The following LPCAT2 variants were observed in gnomAD, a reference collection of about 807,000 sequenced individuals.
LPCAT2 encodes the protein lysophosphatidylcholine acyltransferase 2.
Under a neutral mutation model 64.7 loss-of-function variants are expected in LPCAT2, and 58 were observed. The observed-to-expected ratio is 0.90, with a 90% CI of 0.73 to 1.12. The LOEUF is 1.12. Among genes scored for constraint, LPCAT2 ranks in the 50% most tolerant of loss-of-function variants. The pLI is 0.00. For missense variants in LPCAT2, 579 were observed against 669.8 expected (o/e 0.86, Z 1.50); for synonymous variants, 252 against 245.3 (o/e 1.03, Z -0.26).
Position 55,509,339 on chromosome 16 carries a change from C to G in LPCAT2, c.158C>G (p.Ala53Gly). 7.0e-7 allele frequency: 1 copy of G among 1,424,258 alleles called. No individual in the cohort carries two copies. The highest frequency in any genetic ancestry group is 1.6e-5 in the South Asian group (1 of 63,588). The allele number at this position is 1,424,258 out of a possible 1,614,324, so 88.2% of individuals were successfully genotyped here. ...GTGCAGCAGACGCAGATCGGCTCCGCGAGGCGGGTCCAGGTGAGGGGCGTG... is the reference window on the plus strand; with the variant it reads ...GTGCAGCAGACGCAGATCGGCTCCGGGAGGCGGGTCCAGGTGAGGGGCGTG... The part of the protein sequence containing the change: ...PFVQQTQIGS[A>G]RRVQIVLLGI... Residue 53 changes from alanine (A) to glycine (G), a missense_variant, in exon 1 of 14, where the codon GCG becomes GGG. Coordinates refer to ENST00000262134, the MANE Select transcript of LPCAT2 (RefSeq NM_017839.5).
At chr16:55,567,417 C>A in intron 11 of LPCAT2, 1 of 1,613,842 alleles carries the variant, frequency 6.2e-7, no homozygotes, top group South Asian at 1.1e-5. Context: ...TGCCATGTTT[C>A]GTGCCTTCAA....
chr16:55,543,527 T>C (rs140979185), intron 8 of LPCAT2, among the ~76,000 whole-genome samples: 41 of 152,336 alleles, frequency 2.7e-4, no homozygotes, highest in African/African-American at 9.9e-4. Context: ...TGAACATTAA[T>C]TTCAACTTAC....
intron 11 of LPCAT2, among the ~76,000 whole-genome samples, chr16:55,573,273 T>C (rs576465374): frequency 6.6e-6 from 1 of 152,322 alleles, no homozygotes; most frequent in Admixed American, 6.5e-5. Flanking sequence ...AGCCCTTCCT[T>C]CCCCAAATTC....
intron 11 of LPCAT2, among the ~76,000 whole-genome samples, chr16:55,562,202 T>C (rs1963644274): frequency 1.3e-5 from 2 of 151,928 alleles, no homozygotes; most frequent in African/African-American, 2.4e-5. Context: ...CTCATCTCAT[T>C]GTACTATTCA....
chr16:55,510,449 G>T (rs1273799879), intron 1 of LPCAT2, among the ~76,000 whole-genome samples: 1 of 149,222 alleles, frequency 6.7e-6, no homozygotes, highest in Non-Finnish European at 1.5e-5. Context: ...GTTCTGCGGG[G>T]GTTGGGGGGG....
At chr16:55,534,541 C>A in intron 7 of LPCAT2, 64 bp downstream of exon 7, 4 of 740,078 alleles carry the variant, frequency 5.4e-6, no homozygotes, top group South Asian at 4.1e-5. Context: ...AAAGAAAGAT[C>A]ATTTATTCAT....
intron 11 of LPCAT2, chr16:55,566,633 G>A (rs903978134): frequency 2.0e-4 from 192 of 972,348 alleles, no homozygotes; most frequent in South Asian, 2.6e-4. Flanking sequence ...ATCATGGGGC[G>A]TGGTGCAGTG....
At chr16:55,567,604 C>G in intron 11 of LPCAT2, 1 of 1,186,040 alleles carries the variant, frequency 8.4e-7, no homozygotes, top group East Asian at 2.4e-5. Context: ...CTCTCATTTC[C>G]TGGCAAGCTC....
chr16:55,528,256 A>AG, intron 2 of LPCAT2, 121 bp from the exon 3 acceptor site: 9 of 708,316 alleles, frequency 1.3e-5, no homozygotes, highest in Middle Eastern at 4.0e-4. Context: ...TATTCTCCTC[A>AG]GCTCATATTT....
chr16:55,549,967 C>G (rs1963497440), intron 10 of LPCAT2, among the ~76,000 whole-genome samples: 1 of 152,174 alleles, frequency 6.6e-6, no homozygotes, highest in Non-Finnish European at 1.5e-5. Flanking sequence ...CTCAACCTCC[C>G]TCTACCCTTA....
intron 1 of LPCAT2, among the ~76,000 whole-genome samples, chr16:55,520,814 A>G (rs1353845950): frequency 6.6e-6 from 1 of 151,930 alleles, no homozygotes; most frequent in Non-Finnish European, 1.5e-5. Context: ...CTAAATGTAA[A>G]CAAAATGCAA....
chr16:55,510,789 A>G (rs1962921123), intron 1 of LPCAT2, among the ~76,000 whole-genome samples: 2 of 152,250 alleles, frequency 1.3e-5, no homozygotes, highest in Admixed American at 1.3e-4. Context: ...GTAAATACAT[A>G]GACCATTGTT....
In LPCAT2 at chr16:55,509,089, G is replaced by C. The variant is rs1219847672; in HGVS notation, c.-93G>C. The C allele has an allele frequency of 9.0e-7, 1 of 1,112,692 alleles. No individual in the cohort carries two copies. Among genetic ancestry groups the C allele is most frequent in the Non-Finnish European group, 1.2e-6 (1 of 866,466 alleles). The allele number at this position is 1,112,692 out of a possible 1,614,324, so 68.9% of individuals were successfully genotyped here. A position where few individuals can be genotyped will look rare whatever the true frequency, so the allele number is the denominator to read the frequency against. The stretch of plus-strand genomic sequence containing the variant: ...GCCTGCGCAGAGGCTCCCCAGCGTC[G>C]CCCTAGGCTGGGACTCTAGTAGGTC... On this transcript the variant is annotated 5_prime_UTR_variant, in exon 1 of 14. Coordinates refer to ENST00000262134, the MANE Select transcript of LPCAT2 (RefSeq NM_017839.5).
In LPCAT2 at chr16:55,579,251, A is replaced by G; in HGVS notation, c.1450+7A>G. ...GGGGACTCAATTTCCTATGGTGAGT[A>G]GGCAATCTGGCCTCCTGACTTAGTT... is the stretch of plus-strand genomic sequence containing the variant. On this transcript the variant is annotated splice_region_variant and intron_variant, in intron 13 of 13. Coordinates refer to ENST00000262134, the MANE Select transcript of LPCAT2 (RefSeq NM_017839.5). 6.2e-7 allele frequency: 1 copy of G among 1,611,340 alleles called. No homozygotes were observed. Among genetic ancestry groups the G allele is most frequent in the Non-Finnish European group, 8.5e-7 (1 of 1,178,736 alleles).
intron 1 of LPCAT2, among the ~76,000 whole-genome samples, chr16:55,519,212 G>T (rs1394759534): frequency 1.3e-5 from 2 of 152,018 alleles, no homozygotes; most frequent in African/African-American, 4.8e-5. Flanking sequence ...TCAAGAAATG[G>T]TAAAGAGGCC....
intron 11 of LPCAT2, among the ~76,000 whole-genome samples, chr16:55,568,807 G>A (rs1293393410): frequency 6.6e-6 from 1 of 152,170 alleles, no homozygotes. Context: ...CCACCCAAAA[G>A]CTGGGGTAGT....
chr16:55,573,391 T>G (rs541721611), intron 11 of LPCAT2, among the ~76,000 whole-genome samples: 9 of 124,116 alleles, frequency 7.3e-5, no homozygotes, highest in Non-Finnish European at 1.5e-4. Flanking sequence ...TGTTTGTTTT[T>G]TTGTTTTTTT....
chr16:55,556,358 C>T (rs1434646454), intron 11 of LPCAT2, among the ~76,000 whole-genome samples: 1 of 152,050 alleles, frequency 6.6e-6, no homozygotes, highest in East Asian at 1.9e-4. Flanking sequence ...GGACAAAGAA[C>T]GAAGTTTATA....
chr16:55,579,323 T>G lies in LPCAT2; in HGVS notation c.1450+79T>G, dbSNP rs376598251. 1.1e-5 allele frequency: 14 copies of G among 1,327,014 alleles called. No individual in the cohort carries two copies. The South Asian group carries it at 1.7e-4, about 16-fold the overall frequency. The allele number at this position is 1,327,014 out of a possible 1,614,324, so 82.2% of individuals were successfully genotyped here. A position where few individuals can be genotyped will look rare whatever the true frequency, so the allele number is the denominator to read the frequency against. On this transcript the variant is annotated intron_variant, in intron 13 of 13. Coordinates refer to ENST00000262134, the MANE Select transcript of LPCAT2 (RefSeq NM_017839.5). ...ATGGACTGATGCTCAAGAGTACTGTTTCTCTTAACTAATTACATTAATAAT... is the reference window on the plus strand; with the variant it reads ...ATGGACTGATGCTCAAGAGTACTGTGTCTCTTAACTAATTACATTAATAAT...
Sources: gnomAD v4.1 joint callset for allele counts (sites outside exome capture counted in the v4.1 genomes callset) on GRCh38, gnomAD v4.1.1 for gene constraint, MANE v1.5 for transcripts, NCBI Gene and HGNC (gene_info 2026-07-23, HGNC 2026-07-21) for gene names.